The following ARK2N variants were observed in gnomAD, a reference collection of about 807,000 sequenced individuals.
The protein encoded by ARK2N is protein ARK2N.
chr18:46,197,380 G>T, the ARK2N span, among the ~76,000 whole-genome samples: 1 of 151,972 alleles, frequency 6.6e-6, no homozygotes, highest in African/African-American at 2.4e-5. Flanking sequence ...GATTACAGGT[G>T]CCCACCACTA....
At chr18:46,193,739 C>T in the ARK2N span, among the ~76,000 whole-genome samples, 4 of 151,382 alleles carry the variant, frequency 2.6e-5, no homozygotes, top group Non-Finnish European at 4.4e-5. Flanking sequence ...GCTGGGATTA[C>T]AAGTGCATGC....
chr18:46,264,735 CT>C, the ARK2N span: 201 of 133,200 alleles, frequency 1.5e-3, no homozygotes, highest in African/African-American at 3.5e-3. Flanking sequence ...TCATCTTCTT[CT>C]TTTTTTTTTT....
chr18:46,213,927 C>T, the ARK2N span, among the ~76,000 whole-genome samples: 1 of 152,136 alleles, frequency 6.6e-6, no homozygotes, highest in Admixed American at 6.5e-5. Context: ...GAACTTCCAA[C>T]CTCAGGTGAT....
chr18:46,183,599 A>G, the ARK2N span, among the ~76,000 whole-genome samples: 4 of 152,102 alleles, frequency 2.6e-5, no homozygotes, highest in Non-Finnish European at 5.9e-5. Context: ...ATGCTTGTTT[A>G]TAGCTTCTTC....
chr18:46,225,586 G>A, the ARK2N span, among the ~76,000 whole-genome samples: 1 of 152,060 alleles, frequency 6.6e-6, no homozygotes, highest in Non-Finnish European at 1.5e-5. Flanking sequence ...AGCCTCCCGA[G>A]TATCTGGGAT....
At chr18:46,226,566 T>G in the ARK2N span, among the ~76,000 whole-genome samples, 1 of 152,178 alleles carries the variant, frequency 6.6e-6, no homozygotes, top group Non-Finnish European at 1.5e-5. Context: ...GGGCCTTAGT[T>G]ATGTTAAAGA....
the ARK2N span, chr18:46,263,268 C>T: frequency 1.9e-5 from 13 of 686,280 alleles, no homozygotes; most frequent in South Asian, 9.3e-5. Flanking sequence ...CCTCTTCCCC[C>T]CTTTTTTTAA....
the ARK2N span, among the ~76,000 whole-genome samples, chr18:46,256,613 A>G: frequency 6.6e-6 from 1 of 152,216 alleles, no homozygotes; most frequent in Non-Finnish European, 1.5e-5. Context: ...TCTGAAGCAT[A>G]AAGCTGTGTT....
At chr18:46,255,445 C>CTTTTCTTTTT in the ARK2N span, among the ~76,000 whole-genome samples, 70 of 77,748 alleles carry the variant, frequency 9.0e-4, 2 homozygotes, top group African/African-American at 4.1e-3. Context: ...CTTTTCTTTT[C>CTTTTCTTTTT]TTTTTTTTTT....
At chr18:46,186,223 G>C in the ARK2N span, among the ~76,000 whole-genome samples, 1 of 150,352 alleles carries the variant, frequency 6.7e-6, no homozygotes, top group Non-Finnish European at 1.5e-5. Flanking sequence ...TTGAGACAAA[G>C]TCTTGCTCTG....
chr18:46,228,890 A>G, the ARK2N span: 1 of 398,486 alleles, frequency 2.5e-6, no homozygotes, highest in Admixed American at 4.4e-5. Flanking sequence ...TAATAGTTAT[A>G]TTCAAGGTAA....
chr18:46,178,778 G>C, the ARK2N span, among the ~76,000 whole-genome samples: 1 of 151,922 alleles, frequency 6.6e-6, no homozygotes, highest in African/African-American at 2.4e-5. Flanking sequence ...TCTGGGTGTG[G>C]TGGCACACGC....
the ARK2N span, among the ~76,000 whole-genome samples, chr18:46,246,464 G>T: frequency 6.6e-6 from 1 of 152,176 alleles, no homozygotes; most frequent in African/African-American, 2.4e-5. Flanking sequence ...CTTGGTGTGG[G>T]TCCTAGCTGA....
At chr18:46,199,576 C>T in the ARK2N span, among the ~76,000 whole-genome samples, 4 of 151,200 alleles carry the variant, frequency 2.6e-5, no homozygotes, top group Admixed American at 2.6e-4. Context: ...ATCCACCCGC[C>T]TCAGCCTCCC....
chr18:46,208,553 T>G, the ARK2N span, among the ~76,000 whole-genome samples: 17 of 140,086 alleles, frequency 1.2e-4, no homozygotes, highest in Non-Finnish European at 1.8e-4. Flanking sequence ...CACTGCAGCC[T>G]CTGCCTCCCA....
chr18:46,242,647 TATTTGTACTAC>T, the ARK2N span, among the ~76,000 whole-genome samples: 1 of 152,222 alleles, frequency 6.6e-6, no homozygotes, highest in African/African-American at 2.4e-5. Flanking sequence ...TTTCTTTATA[TATTTGTACTAC>T]ATTTGTTATA....
the ARK2N span, among the ~76,000 whole-genome samples, chr18:46,192,500 C>T: frequency 1.3e-5 from 2 of 151,962 alleles, no homozygotes; most frequent in Non-Finnish European, 1.5e-5. Context: ...TTGCTTGAAC[C>T]CGGGAGGTGG....
the ARK2N span, among the ~76,000 whole-genome samples, chr18:46,182,374 T>C: frequency 6.6e-6 from 1 of 152,176 alleles, no homozygotes; most frequent in Admixed American, 6.6e-5. Flanking sequence ...GGCATGTGGT[T>C]ATCCATCTTT....
At chr18:46,257,780 G>GAACA in the ARK2N span, among the ~76,000 whole-genome samples, 1 of 152,174 alleles carries the variant, frequency 6.6e-6, no homozygotes, top group Middle Eastern at 3.4e-3. Flanking sequence ...AACCGTGTTG[G>GAACA]AACAGTTCCT....
Sources: allele counts gnomAD v4.1 joint callset (sites outside exome capture counted in the v4.1 genomes callset), GRCh38; gene constraint gnomAD v4.1.1; transcripts MANE v1.5; gene names NCBI Gene and HGNC (gene_info 2026-07-23, HGNC 2026-07-21).